ELP4: variants seen among roughly 807,000 people sequenced by gnomAD.
ELP4 encodes elongator acetyltransferase complex subunit 4, also known as elongator complex protein 4.
Under a neutral mutation model 48.9 loss-of-function variants are expected in ELP4, and 51 were observed. The observed-to-expected ratio is 1.04, with a 90% CI of 0.83 to 1.32. The LOEUF (loss-of-function observed/expected upper bound fraction) is 1.32, where lower values mean the gene tolerates loss of function less well. Among genes scored for constraint, ELP4 ranks in the 40% most tolerant of loss-of-function variants. The pLI, the probability that ELP4 is intolerant of heterozygous loss-of-function variation, is 0.00. For missense variants in ELP4, 519 were observed against 514.6 expected (o/e 1.01, Z -0.08); for synonymous variants, 210 against 189.2 (o/e 1.11, Z -0.90).
intron 3 of ELP4, among the ~76,000 whole-genome samples, chr11:31,588,737 C>A (rs1184033266): frequency 6.6e-6 from 1 of 152,154 alleles, no homozygotes; most frequent in Non-Finnish European, 1.5e-5. Flanking sequence ...AATCCCAACA[C>A]TTTGGGAGGC....
chr11:31,785,055 A>G lies in ELP4; in HGVS notation c.*1531A>G, dbSNP rs1948505497. 1 of 180,802 alleles carries G rather than the reference A, an allele frequency of 5.5e-6. No homozygotes were observed. Among genetic ancestry groups the G allele is most frequent in the African/African-American group, 2.3e-5 (1 of 42,570 alleles). 11.2% of individuals were successfully genotyped at this position (180,802 alleles called of 1,614,324 possible). A position where few individuals can be genotyped will look rare whatever the true frequency, so the allele number is the denominator to read the frequency against. Reference sequence around the variant, plus strand: ...TTCTTCCCCATTTTCTTTTCAAAATAAAGTTTCAGAATTGATCTGTCAGTT... The same window carrying G: ...TTCTTCCCCATTTTCTTTTCAAAATGAAGTTTCAGAATTGATCTGTCAGTT... On this transcript the variant is annotated 3_prime_UTR_variant, in exon 10 of 10. Transcript: ENST00000640961.
chr11:31,534,266 G>GGTGTGTGTGTGT (rs61054150), intron 2 of ELP4, among the ~76,000 whole-genome samples: 1,807 of 148,218 alleles, frequency 0.012, 37 homozygotes, highest in African/African-American at 0.042. Context: ...GAGGTGGATT[G>GGTGTGTGTGTGT]GTGTGTGTGT....
At position 31,574,022 on chromosome 11, in the gene ELP4, G is replaced by A. The variant is rs113459046; in HGVS notation, c.382-20748G>A. On this transcript the variant is annotated intron_variant, in intron 3 of 9. Transcript: ENST00000640961. ...ATGAAAAGATGGCTAAGACATAGTC[G>A]TTGCCCTTAATGATCTCATAGAGGA... 6.5e-3 allele frequency among the ~76,000 whole-genome samples: 995 copies of A among 152,310 alleles called. 9 individuals are homozygous for A. Among genetic ancestry groups the A allele is most frequent in the African/African-American group, 0.022 (928 of 41,566 alleles).
intron 9 of ELP4, among the ~76,000 whole-genome samples, chr11:31,780,932 C>T (rs1276308973): frequency 6.6e-6 from 1 of 152,224 alleles, no homozygotes; most frequent in Non-Finnish European, 1.5e-5. Context: ...GAATCCAGTT[C>T]ATTACTTCAG....
At chr11:31,756,310 C>CTTCA (rs534875666) in intron 9 of ELP4, among the ~76,000 whole-genome samples, 50 of 152,308 alleles carry the variant, frequency 3.3e-4, no homozygotes, top group African/African-American at 1.2e-3. Context: ...TCACCACTGC[C>CTTCA]TTCAGAATGG....
intron 2 of ELP4, among the ~76,000 whole-genome samples, chr11:31,530,327 T>G (rs1956372376): frequency 6.6e-6 from 1 of 152,122 alleles, no homozygotes; most frequent in African/African-American, 2.4e-5. Flanking sequence ...AAAAAGTACA[T>G]AAAATCATTT....
At chr11:31,579,818 G>T (rs1306183508) in intron 3 of ELP4, among the ~76,000 whole-genome samples, 2 of 151,566 alleles carry the variant, frequency 1.3e-5, no homozygotes, top group African/African-American at 4.9e-5. Context: ...ATAGCATTAG[G>T]AGATATACCT....
intron 9 of ELP4, among the ~76,000 whole-genome samples, chr11:31,740,978 T>G (rs1461642190): frequency 1.3e-5 from 2 of 152,140 alleles, no homozygotes; most frequent in African/African-American, 4.8e-5. Flanking sequence ...GTCAGGGAAT[T>G]CCCTTTCCTA....
chr11:31,728,005 C>T (rs1332081423), intron 9 of ELP4: 2 of 151,950 alleles, frequency 1.3e-5, no homozygotes, highest in Admixed American at 1.3e-4. Context: ...GATAAAGTGC[C>T]TGTTACTTTA....
Position 31,545,586 on chromosome 11 carries a change from C to A in ELP4, c.381+5803C>A, listed in dbSNP as rs575489229. 7.4e-4 allele frequency among the ~76,000 whole-genome samples: 113 copies of A among 152,146 alleles called. 1 individual carries two copies. The Middle Eastern group carries it at 0.01, about 14-fold the overall frequency. On this transcript the variant is annotated intron_variant, in intron 3 of 9. Coordinates refer to ENST00000640961, the MANE Select transcript of ELP4 (RefSeq NM_019040.5). ...CAGGATATTATCCTGGAGAACTTCC[C>A]CAGTATAGCAAGGCAGGCCAACATT...
chr11:31,562,644 C>A (rs908351626), intron 3 of ELP4, among the ~76,000 whole-genome samples: 3 of 152,032 alleles, frequency 2.0e-5, no homozygotes, highest in African/African-American at 4.8e-5. Context: ...TTTGTAATAG[C>A]AGTGATATTG....
intron 9 of ELP4, among the ~76,000 whole-genome samples, chr11:31,676,611 A>G (rs1177088520): frequency 3.3e-5 from 5 of 152,218 alleles, no homozygotes; most frequent in Non-Finnish European, 7.3e-5. Flanking sequence ...ACAAGAATGA[A>G]TGAATTTGGA....
At chr11:31,531,236 T>C (rs1216122550) in intron 2 of ELP4, among the ~76,000 whole-genome samples, 1 of 152,250 alleles carries the variant, frequency 6.6e-6, no homozygotes, top group Non-Finnish European at 1.5e-5. Context: ...GTTTTCAAAC[T>C]ATAGTAGATG....
chr11:31,649,158 T>TAC, intron 8 of ELP4: 1 of 151,668 alleles, frequency 6.6e-6, no homozygotes, highest in Non-Finnish European at 1.5e-5. Flanking sequence ...CCTTTAAAGG[T>TAC]TTAAGCTAAG....
In ELP4 at chr11:31,690,530, C is replaced by T. The variant is rs537856996; in HGVS notation, c.1143+40309C>T. Among the ~76,000 whole-genome samples the T allele has an allele frequency of 2.0e-5, 3 of 152,166 alleles. No individual in the cohort carries two copies. In the South Asian group the frequency reaches 6.2e-4, roughly 32 times the overall value. On this transcript the variant is annotated intron_variant, in intron 9 of 9. Transcript: ENST00000640961. ...GGAAAAGTAAAATTAGAACTTCATA[C>T]ACAAGACACAGTTATCCCAATTTAA...
At chr11:31,653,240 C>T (rs1188678106) in intron 9 of ELP4, 1 of 151,708 alleles carries the variant, frequency 6.6e-6, no homozygotes, top group Non-Finnish European at 1.5e-5. Context: ...AAAATCCTGA[C>T]ATGCATTCTG....
chr11:31,690,148 TA>T (rs1277761327), intron 9 of ELP4, among the ~76,000 whole-genome samples: 2 of 152,224 alleles, frequency 1.3e-5, no homozygotes, highest in African/African-American at 4.8e-5. Context: ...AGAGAGTGCT[TA>T]TGCAAGATCA....
chr11:31,688,998 G>A (rs920781797), intron 9 of ELP4, among the ~76,000 whole-genome samples: 4 of 152,246 alleles, frequency 2.6e-5, no homozygotes, highest in Non-Finnish European at 5.9e-5. Flanking sequence ...GTGGAATGCT[G>A]AACAAAATTT....
At position 31,583,297 on chromosome 11, in the gene ELP4, G is replaced by A. The variant is rs530069663; in HGVS notation, c.382-11473G>A. On this transcript the variant is annotated intron_variant, in intron 3 of 9. Transcript: ENST00000640961. ...ACTATATTATTCTCTATTCTTTTCT[G>A]CATGTTTTCTACATCTCATAGAAAA... 2.0e-5 allele frequency among the ~76,000 whole-genome samples: 3 copies of A among 152,100 alleles called. No individual in the cohort carries two copies. The South Asian group carries it at 6.2e-4, about 32-fold the overall frequency.
Sources: allele counts gnomAD v4.1 joint callset (sites outside exome capture counted in the v4.1 genomes callset), GRCh38; gene constraint gnomAD v4.1.1; transcripts MANE v1.5; gene names NCBI Gene and HGNC (gene_info 2026-07-23, HGNC 2026-07-21).